The following PSD3 variants were observed in gnomAD, a reference collection of about 807,000 sequenced individuals.
PSD3 encodes PH and SEC7 domain-containing protein 3.
PSD3 carries 49 observed loss-of-function variants against 105.5 expected under a neutral mutation model. The observed-to-expected ratio is 0.46, with a 90% confidence interval of 0.37 to 0.59. The LOEUF (loss-of-function observed/expected upper bound fraction) is 0.59, where lower values mean the gene tolerates loss of function less well. Among genes scored for constraint, PSD3 ranks in the 20% least tolerant of loss-of-function variants. The probability of loss-of-function intolerance (pLI) is 0.00; values close to 1 mark genes in which losing one functional copy is unlikely to be tolerated. For synonymous variants in PSD3, 557 were observed against 457.8 expected (o/e 1.22, Z -2.77); for missense variants, 1,561 against 1,263.8 (o/e 1.24, Z -3.57).
intron 15 of PSD3, among the ~76,000 whole-genome samples, chr8:18,545,155 G>C (rs1475822898): frequency 6.6e-6 from 1 of 152,112 alleles, no homozygotes; most frequent in Non-Finnish European, 1.5e-5. Context: ...TTTAAACTCA[G>C]TCTGTATAAG....
intron 1 of PSD3, among the ~76,000 whole-genome samples, chr8:19,062,195 T>G (rs1208670451): frequency 6.6e-6 from 1 of 152,176 alleles, no homozygotes; most frequent in Non-Finnish European, 1.5e-5. Context: ...TGAACAAAAA[T>G]GCTAACTAAG....
At chr8:18,977,380 T>C (rs1825001550) in intron 1 of PSD3, among the ~76,000 whole-genome samples, 1 of 152,098 alleles carries the variant, frequency 6.6e-6, no homozygotes, top group Non-Finnish European at 1.5e-5. Context: ...TAAAACAGGA[T>C]TAATAATAGC....
rs752961412 is a variant in PSD3, at chr8:18,717,279, C to CG, written c.2172+48169dup. Among the ~76,000 whole-genome samples the CG allele has an allele frequency of 4.0e-5, 6 of 151,730 alleles. No individual in the cohort carries two copies. The East Asian group carries it at 1.2e-3, about 29-fold the overall frequency. The stretch of plus-strand genomic sequence containing the variant: ...ATTTTATACTAACATCCATTTGCAA[C>CG]GGGCCACTTTCTTAAGGAGCAGAAC... On this transcript the variant is annotated intron_variant, in intron 9 of 15. Coordinates refer to ENST00000327040, the MANE Select transcript of PSD3 (RefSeq NM_015310.4).
chr8:19,059,126 C>T (rs1388042673), intron 1 of PSD3, among the ~76,000 whole-genome samples: 1 of 152,200 alleles, frequency 6.6e-6, no homozygotes, highest in Non-Finnish European at 1.5e-5. Context: ...TCCACTTTAG[C>T]AGAGACATGA....
chr8:18,721,855 A>T (rs148648078), intron 9 of PSD3, among the ~76,000 whole-genome samples: 1 of 152,192 alleles, frequency 6.6e-6, no homozygotes, highest in Non-Finnish European at 1.5e-5. Context: ...TGTTGCATTA[A>T]AAGTGAGCTT....
At chr8:18,669,228 A>C (rs1799642282) in intron 9 of PSD3, among the ~76,000 whole-genome samples, 3 of 152,208 alleles carry the variant, frequency 2.0e-5, no homozygotes, top group Admixed American at 6.5e-5. Flanking sequence ...ACTAATTAGA[A>C]TGTACTTTTT....
chr8:18,890,579 C>T (rs1199950437), intron 2 of PSD3, among the ~76,000 whole-genome samples: 1 of 152,152 alleles, frequency 6.6e-6, no homozygotes, highest in Non-Finnish European at 1.5e-5. Context: ...AAAGGGTATA[C>T]ATACGACCCT....
chr8:18,712,719 G>A (rs1485253581), intron 9 of PSD3, among the ~76,000 whole-genome samples: 1 of 152,168 alleles, frequency 6.6e-6, no homozygotes. Flanking sequence ...ACAGGAGCTA[G>A]TACCATTTCA....
chr8:18,567,609 T>C (rs1357003012), intron 14 of PSD3, among the ~76,000 whole-genome samples: 1 of 152,220 alleles, frequency 6.6e-6, no homozygotes, highest in African/African-American at 2.4e-5. Context: ...ATGATAATTA[T>C]GAATTAAAAA....
intron 12 of PSD3, among the ~76,000 whole-genome samples, chr8:18,584,180 G>C (rs1262195534): frequency 2.0e-5 from 3 of 152,208 alleles, no homozygotes; most frequent in Admixed American, 1.3e-4. Flanking sequence ...AGAGTGGAAA[G>C]TCTCATATCC....
At chr8:18,616,458 G>C (rs1010982534) in intron 11 of PSD3, among the ~76,000 whole-genome samples, 8 of 152,080 alleles carry the variant, frequency 5.3e-5, no homozygotes, top group Admixed American at 2.6e-4. Flanking sequence ...CCCTCGTCTG[G>C]ATCTAGGAAA....
chr8:18,917,901 C>A (rs78617633), intron 2 of PSD3, among the ~76,000 whole-genome samples: 2,364 of 152,110 alleles, frequency 0.016, 65 homozygotes, highest in East Asian at 0.096. Context: ...TCTAAGCCAC[C>A]GGTGTGTGGG....
At chr8:18,842,471 C>T (rs13267291) in intron 4 of PSD3, among the ~76,000 whole-genome samples, 9,892 of 152,288 alleles carry the variant, frequency 0.065, 402 homozygotes, top group South Asian at 0.14. Flanking sequence ...CGGTGGCTCA[C>T]GCCTGTAATC....
At chr8:18,877,715 A>AT (rs138155581) in intron 2 of PSD3, among the ~76,000 whole-genome samples, 19,502 of 150,984 alleles carry the variant, frequency 0.13, 1,350 homozygotes, top group South Asian at 0.21. Flanking sequence ...ACAATTTTTC[A>AT]TTTTTTTTAA....
At chr8:18,600,472 T>A (rs1804354699) in intron 11 of PSD3, 38 bp from the exon 12 acceptor site, 1 of 1,463,496 alleles carries the variant, frequency 6.8e-7, no homozygotes, top group Non-Finnish European at 9.4e-7. Context: ...TTATTTGACA[T>A]CAGCATTTTA....
chr8:18,768,210 C>T (rs531478955), intron 8 of PSD3, among the ~76,000 whole-genome samples: 2 of 151,470 alleles, frequency 1.3e-5, no homozygotes, highest in Admixed American at 6.6e-5. Context: ...CACTTGAACC[C>T]GGGAGGTGGA....
chr8:18,714,397 C>T (rs76135712), intron 9 of PSD3, among the ~76,000 whole-genome samples: 7,347 of 151,072 alleles, frequency 0.049, 246 homozygotes, highest in Middle Eastern at 0.1. Flanking sequence ...GGTCTGATAT[C>T]CAGAGACTAC....
chr8:18,568,394 A>C (rs1259463366), intron 14 of PSD3, among the ~76,000 whole-genome samples: 2 of 152,190 alleles, frequency 1.3e-5, no homozygotes, highest in South Asian at 2.1e-4. Flanking sequence ...TGGCCACTGC[A>C]GGAATTGGAG....
intron 1 of PSD3, among the ~76,000 whole-genome samples, chr8:18,986,534 C>T (rs1356830097): frequency 1.4e-5 from 2 of 144,016 alleles, no homozygotes; most frequent in Non-Finnish European, 3.0e-5. Context: ...TCCATAAGCT[C>T]TTTCTTGAGA....
Sources: gnomAD v4.1 joint callset for allele counts (sites outside exome capture counted in the v4.1 genomes callset) on GRCh38, gnomAD v4.1.1 for gene constraint, MANE v1.5 for transcripts, NCBI Gene and HGNC (gene_info 2026-07-23, HGNC 2026-07-21) for gene names.